PTPN21: variants seen among roughly 807,000 people sequenced by gnomAD.
The protein encoded by PTPN21 is tyrosine-protein phosphatase non-receptor type 21.
A neutral mutation model predicts 131.8 loss-of-function variants in PTPN21; 77 were observed. The observed-to-expected ratio is 0.58, with a 90% CI of 0.49 to 0.71. The LOEUF is 0.71. Among genes scored for constraint, PTPN21 ranks in the 30% least tolerant of loss-of-function variants. The probability of loss-of-function intolerance (pLI) is 0.00; values close to 1 mark genes in which losing one functional copy is unlikely to be tolerated. For missense variants in PTPN21, 1,552 were observed against 1,527.1 expected (o/e 1.02, Z -0.27); for synonymous variants, 715 against 621.3 (o/e 1.15, Z -2.24).
At chr14:88,553,736 C>T (rs1347241510) in intron 1 of PTPN21, among the ~76,000 whole-genome samples, 1 of 151,792 alleles carries the variant, frequency 6.6e-6, no homozygotes, top group African/African-American at 2.4e-5. Context: ...TTAATTTTCC[C>T]TCTCTACAAC....
At chr14:88,529,377 T>G (rs1171139780) in intron 2 of PTPN21, among the ~76,000 whole-genome samples, 1 of 152,142 alleles carries the variant, frequency 6.6e-6, no homozygotes, top group Non-Finnish European at 1.5e-5. Context: ...AGCTAGTATT[T>G]TGTTGAGAAT....
chr14:88,518,752 AATC>A (rs903618961), intron 2 of PTPN21, among the ~76,000 whole-genome samples: 73 of 152,024 alleles, frequency 4.8e-4, no homozygotes, highest in African/African-American at 1.8e-3. Context: ...ATTTTTAAAT[AATC>A]ATAACTGGGG....
At chr14:88,519,495 T>C (rs1190526004) in intron 2 of PTPN21, among the ~76,000 whole-genome samples, 1 of 152,196 alleles carries the variant, frequency 6.6e-6, no homozygotes, top group Non-Finnish European at 1.5e-5. Context: ...TATTGGATAG[T>C]ATAGATTTAA....
intron 13 of PTPN21, among the ~76,000 whole-genome samples, chr14:88,477,225 GA>G (rs2077558998): frequency 6.6e-6 from 1 of 151,436 alleles, no homozygotes; most frequent in Non-Finnish European, 1.5e-5. Flanking sequence ...GCATACTTGT[GA>G]AAAATTTAAA....
intron 2 of PTPN21, among the ~76,000 whole-genome samples, chr14:88,536,046 C>G (rs1327407789): frequency 6.6e-6 from 1 of 152,230 alleles, no homozygotes; most frequent in East Asian, 1.9e-4. Flanking sequence ...CGTGGCTTCT[C>G]TTTCTCCACA....
chr14:88,515,632 A>C (rs1246054865), intron 3 of PTPN21: 1 of 152,202 alleles, frequency 6.6e-6, no homozygotes, highest in Non-Finnish European at 1.5e-5. Flanking sequence ...ACATTTCTAA[A>C]GTCAATTTAA....
chr14:88,468,491 G>A (rs1005961595), intron 18 of PTPN21, among the ~76,000 whole-genome samples: 1 of 152,186 alleles, frequency 6.6e-6, no homozygotes, highest in Non-Finnish European at 1.5e-5. Context: ...TTCCCCAGGT[G>A]TAGCTCACTG....
intron 2 of PTPN21, among the ~76,000 whole-genome samples, chr14:88,548,607 T>C (rs533883867): frequency 2.0e-5 from 3 of 152,306 alleles, no homozygotes; most frequent in Admixed American, 6.5e-5. Flanking sequence ...CAAGTATGTA[T>C]GTGCTTGGCA....
At chr14:88,510,368 C>A (rs958739165) in intron 3 of PTPN21, among the ~76,000 whole-genome samples, 1 of 152,140 alleles carries the variant, frequency 6.6e-6, no homozygotes, top group Non-Finnish European at 1.5e-5. Flanking sequence ...CATTACTATC[C>A]CTCTTAATTG....
intron 10 of PTPN21, among the ~76,000 whole-genome samples, chr14:88,495,353 G>A (rs1046985311): frequency 6.6e-6 from 1 of 152,074 alleles, no homozygotes; most frequent in Non-Finnish European, 1.5e-5. Flanking sequence ...CTTGCGGTAG[G>A]ATGCAGGAGT....
chr14:88,502,750 G>A (rs1375743868), intron 6 of PTPN21, among the ~76,000 whole-genome samples: 2 of 152,116 alleles, frequency 1.3e-5, no homozygotes, highest in Non-Finnish European at 2.9e-5. Context: ...TCCAGCAGAA[G>A]GTAAAGCTGG....
intron 15 of PTPN21, chr14:88,470,411 G>A (rs2077443082): frequency 1.0e-5 from 2 of 192,170 alleles, no homozygotes; most frequent in Non-Finnish European, 2.1e-5. Flanking sequence ...TCAATAAGTA[G>A]CTGTTATTGC....
chr14:88,542,434 A>G (rs2078719515), intron 2 of PTPN21, among the ~76,000 whole-genome samples: 1 of 151,984 alleles, frequency 6.6e-6, no homozygotes, highest in East Asian at 1.9e-4. Context: ...TTAATTCCAC[A>G]TGGTCCTGAG....
At chr14:88,476,164 C>G (rs760732112) in intron 13 of PTPN21, among the ~76,000 whole-genome samples, 17 of 152,156 alleles carry the variant, frequency 1.1e-4, no homozygotes, top group Non-Finnish European at 2.2e-4. Context: ...GTTTTTAATA[C>G]TAAACCTCCA....
At chr14:88,468,609 T>C (rs2140075941) in intron 18 of PTPN21, among the ~76,000 whole-genome samples, 1 of 152,332 alleles carries the variant, frequency 6.6e-6, no homozygotes, top group South Asian at 2.1e-4. Flanking sequence ...TCAAGGGCTC[T>C]GGGCAGCATG....
In PTPN21 at chr14:88,465,784, GGATA is replaced by G. The variant is rs1473942563; in HGVS notation, c.*2349_*2352del. 6.6e-6 allele frequency: 1 copy of G among 152,104 alleles called. No homozygotes were observed. The highest frequency in any genetic ancestry group is 1.5e-5 in the Non-Finnish European group (1 of 68,008). 9.4% of individuals were successfully genotyped at this position (152,104 alleles called of 1,614,324 possible). A position where few individuals can be genotyped will look rare whatever the true frequency, so the allele number is the denominator to read the frequency against. ...ATACTATTTCAAAGCTCAGTAATGTGGATAGATTTTTATTCAGAAATCCTTTCAT... is the reference window on the plus strand; with the variant it reads ...ATACTATTTCAAAGCTCAGTAATGTGGATTTTTATTCAGAAATCCTTTCAT... On this transcript the variant is annotated 3_prime_UTR_variant, in exon 19 of 19. Coordinates refer to ENST00000556564, the MANE Select transcript of PTPN21 (RefSeq NM_007039.4).
At chr14:88,526,953 A>G (rs1046286533) in intron 2 of PTPN21, among the ~76,000 whole-genome samples, 7 of 151,960 alleles carry the variant, frequency 4.6e-5, no homozygotes, top group Non-Finnish European at 8.8e-5. Flanking sequence ...ATGGTCTCCA[A>G]CTCCATCTAG....
rs188016931 is a variant in PTPN21, at chr14:88,545,632, A to G, written c.180+4606T>C. ...TCAACAGCTTTGAGAAACTACTGCTATAACGAACAGCAATATTTTCCTAAG... is the reference window on the plus strand; with the variant it reads ...TCAACAGCTTTGAGAAACTACTGCTGTAACGAACAGCAATATTTTCCTAAG... On this transcript the variant is annotated intron_variant, in intron 2 of 18. Coordinates refer to ENST00000556564, the MANE Select transcript of PTPN21 (RefSeq NM_007039.4). Among the ~76,000 whole-genome samples the G allele has an allele frequency of 1.3e-3, 201 of 152,360 alleles. 3 individuals are homozygous for G. Among genetic ancestry groups the G allele is most frequent in the Non-Finnish European group, 1.8e-4 (12 of 68,034 alleles).
intron 8 of PTPN21, 127 bp downstream of exon 8, chr14:88,500,646 TCCTAGGAAGG>T: frequency 3.1e-6 from 2 of 636,498 alleles, no homozygotes; most frequent in Admixed American, 2.7e-5. Flanking sequence ...GGTATTTTTT[TCCTAGGAAGG>T]GAATTATTTC....
Sources: allele counts gnomAD v4.1 joint callset (sites outside exome capture counted in the v4.1 genomes callset), GRCh38; gene constraint gnomAD v4.1.1; transcripts MANE v1.5; gene names NCBI Gene and HGNC (gene_info 2026-07-23, HGNC 2026-07-21).